The following STPG2 variants were observed in gnomAD, a reference collection of about 807,000 sequenced individuals.
STPG2 encodes the protein sperm tail PG-rich repeat containing 2.
Under a neutral mutation model 54.2 loss-of-function variants are expected in STPG2, and 56 were observed. That is an observed-to-expected ratio of 1.03 (90% CI 0.83 to 1.29). STPG2 has a LOEUF of 1.29. Among genes scored for constraint, STPG2 ranks in the 50% most tolerant of loss-of-function variants. The probability of loss-of-function intolerance (pLI) is 0.00; values close to 1 mark genes in which losing one functional copy is unlikely to be tolerated. For missense variants in STPG2, 596 were observed against 544.9 expected (o/e 1.09, Z -0.93); for synonymous variants, 200 against 181.8 (o/e 1.10, Z -0.81).
chr4:97,639,552 A>T (rs998419211), intron 10 of STPG2, among the ~76,000 whole-genome samples: 1 of 152,236 alleles, frequency 6.6e-6, no homozygotes. Context: ...AAAAGTCTTA[A>T]GACAAAATTG....
At chr4:98,134,541 C>G in intron 1 of STPG2, 82 bp from the exon 2 acceptor site, 1 of 630,968 alleles carries the variant, frequency 1.6e-6, no homozygotes, top group East Asian at 3.2e-5. Flanking sequence ...TATATATAAT[C>G]ATGAGTATCC....
intron 7 of STPG2, among the ~76,000 whole-genome samples, chr4:97,950,588 C>T (rs1021212135): frequency 6.6e-6 from 1 of 151,962 alleles, no homozygotes; most frequent in Non-Finnish European, 1.5e-5. Context: ...TCTGGTATTT[C>T]CAAGATTTCA....
intron 9 of STPG2, among the ~76,000 whole-genome samples, chr4:97,742,578 T>TAC (rs1725293403): frequency 7.5e-6 from 1 of 132,516 alleles, no homozygotes; most frequent in Admixed American, 8.0e-5. Flanking sequence ...TATATATATA[T>TAC]GGAATACTAT....
At chr4:98,089,055 AT>A (rs907258625) in intron 5 of STPG2, among the ~76,000 whole-genome samples, 26 of 150,870 alleles carry the variant, frequency 1.7e-4, no homozygotes, top group Admixed American at 1.4e-3. Context: ...TAATCCTGCC[AT>A]TTTTTTTTAA....
At chr4:98,128,882 C>T (rs1393653620) in intron 2 of STPG2, among the ~76,000 whole-genome samples, 1 of 151,884 alleles carries the variant, frequency 6.6e-6, no homozygotes, top group African/African-American at 2.4e-5. Context: ...TACAGGCATG[C>T]ACCACTATGC....
At chr4:97,852,046 G>T (rs1419813226) in intron 8 of STPG2, among the ~76,000 whole-genome samples, 1 of 152,112 alleles carries the variant, frequency 6.6e-6, no homozygotes, top group East Asian at 1.9e-4. Context: ...TAAAGACAGA[G>T]AAATTCTTTA....
intron 5 of STPG2, among the ~76,000 whole-genome samples, chr4:98,033,364 T>A (rs1560647104): frequency 6.6e-6 from 1 of 151,976 alleles, no homozygotes. Flanking sequence ...AAGAAATGGA[T>A]AAATTTCCGG....
At chr4:98,113,259 A>G (rs1739414410) in intron 3 of STPG2, among the ~76,000 whole-genome samples, 1 of 152,052 alleles carries the variant, frequency 6.6e-6, no homozygotes, top group Non-Finnish European at 1.5e-5. Context: ...AGCTGTACTC[A>G]ATGGAAAGAG....
In STPG2 at chr4:98,127,450, C is replaced by T. The variant is rs182441723; in HGVS notation, c.387+978G>A. Among the ~76,000 whole-genome samples, 49 of 152,288 alleles carry T rather than the reference C, an allele frequency of 3.2e-4. No homozygotes were observed. In the East Asian group the frequency reaches 3.5e-3, roughly 11 times the overall value. ...TTATGTCTAAGCCCAAAGATGTAGTCACATACCAACAAATAACTATAGAAT... is the reference window on the plus strand; with the variant it reads ...TTATGTCTAAGCCCAAAGATGTAGTTACATACCAACAAATAACTATAGAAT... On this transcript the variant is annotated intron_variant, in intron 3 of 10. Coordinates refer to ENST00000295268, the MANE Select transcript of STPG2 (RefSeq NM_174952.3).
chr4:97,547,775 AGTGATGTGTCCAG>A (rs1731871249), intron 4 of STPG2, among the ~76,000 whole-genome samples: 1 of 152,172 alleles, frequency 6.6e-6, no homozygotes, highest in African/African-American at 2.4e-5. Flanking sequence ...AAGCATTCCA[AGTGATGTGTCCAG>A]GCAGTTAAAT....
chr4:97,818,706 T>C (rs930480844), intron 9 of STPG2, among the ~76,000 whole-genome samples: 14 of 151,826 alleles, frequency 9.2e-5, no homozygotes, highest in Non-Finnish European at 1.9e-4. Context: ...CTTCATCAGT[T>C]TTCTCCTCCC....
intron 3 of STPG2, among the ~76,000 whole-genome samples, chr4:98,126,337 C>T (rs1346238930): frequency 1.3e-5 from 2 of 152,238 alleles, no homozygotes; most frequent in African/African-American, 4.8e-5. Flanking sequence ...GAGTGGCCCC[C>T]GTCAGCCTGC....
intron 4 of STPG2, among the ~76,000 whole-genome samples, chr4:97,492,116 G>A (rs968846956): frequency 6.6e-6 from 1 of 151,378 alleles, no homozygotes; most frequent in African/African-American, 2.4e-5. Context: ...TAAGAATGGT[G>A]CTGAATATAG....
chr4:97,830,788 A>C (rs1383191263), intron 9 of STPG2, among the ~76,000 whole-genome samples: 1 of 152,164 alleles, frequency 6.6e-6, no homozygotes, highest in Non-Finnish European at 1.5e-5. Context: ...GGTATTACAT[A>C]ATGGTAAAGG....
At chr4:97,682,272 A>G (rs1723061223) in intron 10 of STPG2, among the ~76,000 whole-genome samples, 1 of 151,866 alleles carries the variant, frequency 6.6e-6, no homozygotes, top group South Asian at 2.1e-4. Context: ...AGAATATTCT[A>G]TAAGATGGTC....
At chr4:97,487,805 T>C (rs1455036724) in intron 4 of STPG2, among the ~76,000 whole-genome samples, 1 of 151,444 alleles carries the variant, frequency 6.6e-6, no homozygotes, top group Non-Finnish European at 1.5e-5. Flanking sequence ...ACACAAATCT[T>C]ATAAATGACT....
intron 10 of STPG2, among the ~76,000 whole-genome samples, chr4:97,659,980 A>G (rs1409653027): frequency 6.6e-6 from 1 of 151,890 alleles, no homozygotes; most frequent in African/African-American, 2.4e-5. Context: ...AAAGAGAGAG[A>G]CATTTGTAGA....
chr4:97,812,807 CCAGA>C (rs1727782570), intron 9 of STPG2, among the ~76,000 whole-genome samples: 1 of 152,116 alleles, frequency 6.6e-6, no homozygotes, highest in Admixed American at 6.6e-5. Context: ...TATTTTCAGG[CCAGA>C]CATTCTCCCT....
intron 8 of STPG2, among the ~76,000 whole-genome samples, chr4:97,904,839 C>A (rs1459036242): frequency 1.3e-5 from 2 of 152,200 alleles, no homozygotes; most frequent in East Asian, 1.9e-4. Context: ...ATGCAATCAA[C>A]TGGAAGAAAG....
Sources: allele counts gnomAD v4.1 joint callset (sites outside exome capture counted in the v4.1 genomes callset), GRCh38; gene constraint gnomAD v4.1.1; transcripts MANE v1.5; gene names NCBI Gene and HGNC (gene_info 2026-07-23, HGNC 2026-07-21).